Variants in EDDM3A observed in about 807,000 individuals in gnomAD.
EDDM3A encodes the protein epididymal protein 3A.
For missense variants in EDDM3A, 199 were observed against 177.4 expected (o/e 1.12, Z -0.69); for synonymous variants, 75 against 60.4 (o/e 1.24, Z -1.12).
chr14:20,742,154 C>T (rs1460584430), upstream of EDDM3A, among the ~76,000 whole-genome samples: 1 of 152,168 alleles, frequency 6.6e-6, no homozygotes, highest in Non-Finnish European at 1.5e-5. Context: ...CAGCAACTGG[C>T]TCAGAATTTC....
At position 20,748,004 on chromosome 14, in the gene EDDM3A, A is replaced by G. The variant is rs1369963125; in HGVS notation, c.424A>G (p.Ile142Val). ...TGATAACATAGAAGACCTGAGGATTATAGAACCTATCAGCAACTAGAAAGT... is the reference window on the plus strand; with the variant it reads ...TGATAACATAGAAGACCTGAGGATTGTAGAACCTATCAGCAACTAGAAAGT... ...YVDNIEDLRIIEPISN is the reference protein window; with the variant it reads ...YVDNIEDLRIVEPISN The change falls in exon 2 of 2, where the codon ATA (isoleucine) becomes GTA (valine). Residue 142 changes from isoleucine to valine, a missense_variant. Physicochemically the swap from Ile to Val is conservative, Grantham distance 29. Coordinates refer to ENST00000326842, the MANE Select transcript of EDDM3A (RefSeq NM_006683.5). 2 of 1,602,366 alleles carry G rather than the reference A, an allele frequency of 1.2e-6. No individual in the cohort carries two copies. The highest frequency in any genetic ancestry group is 3.4e-5 in the Admixed American group (2 of 58,124).
chr14:20,747,936 G>A lies in EDDM3A; in HGVS notation c.356G>A (p.Ser119Asn), dbSNP rs1183325811. The part of the protein sequence containing the change: ...KYNNRYTESR[S>N]FSYIEFHCGV... Reference sequence around the variant, plus strand: ...AACAATAGGTACACAGAGAGCAGAAGCTTCAGCTACATTGAATTCCATTGT... The same window carrying A: ...AACAATAGGTACACAGAGAGCAGAAACTTCAGCTACATTGAATTCCATTGT... The change falls in exon 2 of 2, where the codon AGC (serine) becomes AAC (asparagine). Residue 119 changes from serine (S) to asparagine (N), a missense_variant. Physicochemically the swap from Ser to Asn is conservative, Grantham distance 46. Transcript: ENST00000326842. The A allele has an allele frequency of 6.2e-7, 1 of 1,614,152 alleles. No individual in the cohort carries two copies. The highest frequency in any genetic ancestry group is 8.5e-7 in the Non-Finnish European group (1 of 1,180,024).
the EDDM3A span, among the ~76,000 whole-genome samples, chr14:20,736,998 C>T: frequency 6.6e-6 from 1 of 151,846 alleles, no homozygotes; most frequent in Admixed American, 6.6e-5. Flanking sequence ...TAGGCGTGAG[C>T]CACCAGGCCT....
At chr14:20,745,449 C>T (rs1418719543), upstream of EDDM3A, among the ~76,000 whole-genome samples, 2 of 151,604 alleles carry the variant, frequency 1.3e-5, no homozygotes, top group Non-Finnish European at 2.9e-5. Context: ...TGGGGTGAAC[C>T]CGGGAGGCGG....
chr14:20,738,996 T>C, the EDDM3A span, among the ~76,000 whole-genome samples: 2 of 152,228 alleles, frequency 1.3e-5, no homozygotes. Context: ...AGGTTTCCCT[T>C]ATGAATGCAC....
rs1430925597 is a variant in EDDM3A at position 20,748,006 on chromosome 14, A to G, written c.426A>G (p.Ile142Met). 2 of 1,600,296 alleles carry G rather than the reference A, an allele frequency of 1.2e-6. No homozygotes were observed. Among genetic ancestry groups the G allele is most frequent in the Non-Finnish European group, 1.7e-6 (2 of 1,173,570 alleles). ...ATAACATAGAAGACCTGAGGATTAT[A>G]GAACCTATCAGCAACTAGAAAGTCT... ...YVDNIEDLRI[I>M]EPISN The change falls in exon 2 of 2, where the codon ATA becomes ATG. Residue 142 changes from isoleucine (I) to methionine (M), a missense_variant. Ile to Met is a conservative substitution (Grantham distance 10). Transcript: ENST00000326842.
the EDDM3A span, among the ~76,000 whole-genome samples, chr14:20,740,014 C>T: frequency 6.6e-6 from 1 of 152,132 alleles, no homozygotes. Context: ...GAAGAATGCA[C>T]CTTTGGCATC....
intron 1 of EDDM3A, among the ~76,000 whole-genome samples, chr14:20,747,285 G>A (rs1877623644): frequency 1.3e-5 from 2 of 152,040 alleles, no homozygotes; most frequent in Non-Finnish European, 2.9e-5. Context: ...TAGTAGAGAT[G>A]GGGTTTCACC....
chr14:20,745,756 T>A (rs1322315836), upstream of EDDM3A: 1 of 152,146 alleles, frequency 6.6e-6, no homozygotes, highest in Non-Finnish European at 1.5e-5. Context: ...ACTGTTTGAG[T>A]GAGCCCAAGT....
chr14:20,737,628 A>T, the EDDM3A span, among the ~76,000 whole-genome samples: 1 of 152,340 alleles, frequency 6.6e-6, no homozygotes, highest in East Asian at 1.9e-4. Context: ...ATATTAGCAC[A>T]AATGATTTTA....
At chr14:20,744,956 C>T (rs1019900560), upstream of EDDM3A, among the ~76,000 whole-genome samples, 4 of 152,212 alleles carry the variant, frequency 2.6e-5, no homozygotes, top group African/African-American at 7.2e-5. Flanking sequence ...CCAAGTGGCT[C>T]ATGCCTGTAA....
In EDDM3A at chr14:20,748,285, C is replaced by T. The variant is rs148591991; in HGVS notation, c.*261C>T. The T allele has an allele frequency of 6.0e-3, 2,260 of 373,650 alleles. 16 individuals carry two copies. The highest frequency in any genetic ancestry group is 6.5e-3 in the Non-Finnish European group (1,280 of 198,402). The allele number at this position is 373,650 out of a possible 1,614,324, so 23.1% of individuals were successfully genotyped here. On this transcript the variant is annotated 3_prime_UTR_variant, in exon 2 of 2. Transcript: ENST00000326842. ...ATTCAGCTCATATGGCATCTGTCCT[C>T]GACTAACCTAAGACTTTCCTGATAT... is the stretch of plus-strand genomic sequence containing the variant.
upstream of EDDM3A, among the ~76,000 whole-genome samples, chr14:20,741,775 A>ATTT (rs1316348531): frequency 2.6e-5 from 4 of 152,132 alleles, no homozygotes; most frequent in African/African-American, 7.2e-5. Context: ...CCCAGCTAGT[A>ATTT]CCCTCCATAT....
chr14:20,738,399 A>AG, the EDDM3A span, among the ~76,000 whole-genome samples: 1 of 152,000 alleles, frequency 6.6e-6, no homozygotes, highest in Admixed American at 6.6e-5. Flanking sequence ...TGAATTTGGG[A>AG]GGCAGAGATT....
At chr14:20,746,910 T>A (rs1877605668) in intron 1 of EDDM3A, among the ~76,000 whole-genome samples, 1 of 152,196 alleles carries the variant, frequency 6.6e-6, no homozygotes, top group Non-Finnish European at 1.5e-5. Flanking sequence ...GTCATTTTTC[T>A]ATTGGACACA....
intron 1 of EDDM3A, 66 bp downstream of exon 1, chr14:20,746,058 C>T (rs534382925): frequency 1.8e-4 from 28 of 152,392 alleles, no homozygotes; most frequent in Admixed American, 1.3e-3. Context: ...GCTGATTGAA[C>T]TTTTAGATAG....
At chr14:20,742,628 A>G (rs568981252), upstream of EDDM3A, among the ~76,000 whole-genome samples, 2 of 152,196 alleles carry the variant, frequency 1.3e-5, no homozygotes, top group East Asian at 3.9e-4. Context: ...ACAGGGTCTC[A>G]CTCAGTCACC....
the EDDM3A span, among the ~76,000 whole-genome samples, chr14:20,737,056 T>TTTTTC: frequency 1.1e-3 from 146 of 135,974 alleles, 4 homozygotes; most frequent in African/African-American, 3.6e-3. Flanking sequence ...TCTTTTTCCT[T>TTTTTC]TTTTTTTTTT....
the EDDM3A span, among the ~76,000 whole-genome samples, chr14:20,736,822 T>C: frequency 1.3e-5 from 2 of 152,152 alleles, no homozygotes; most frequent in Non-Finnish European, 2.9e-5. Context: ...GTGATTCTCC[T>C]GCTTCAGCCT....
Sources: gnomAD v4.1 joint callset for allele counts (sites outside exome capture counted in the v4.1 genomes callset) on GRCh38, gnomAD v4.1.1 for gene constraint, MANE v1.5 for transcripts, NCBI Gene and HGNC (gene_info 2026-07-23, HGNC 2026-07-21) for gene names.